The following MTHFD2L variants were observed in gnomAD, a reference collection of about 807,000 sequenced individuals.
MTHFD2L encodes the protein bifunctional methylenetetrahydrofolate dehydrogenase/cyclohydrolase 2, mitochondrial.
Under a neutral mutation model 34.9 loss-of-function variants are expected in MTHFD2L, and 29 were observed. The ratio of observed to expected loss-of-function variants is 0.83; its 90% CI spans 0.62 to 1.13. The LOEUF is 1.13. MTHFD2L is among the 50% of genes most tolerant of loss of function. MTHFD2L has a pLI of 0.00. For synonymous variants in MTHFD2L, 167 were observed against 155.7 expected (o/e 1.07, Z -0.54); for missense variants, 481 against 446.5 (o/e 1.08, Z -0.70).
At chr4:74,210,747 G>T (rs1736171745) in intron 5 of MTHFD2L, among the ~76,000 whole-genome samples, 1 of 152,124 alleles carries the variant, frequency 6.6e-6, no homozygotes, top group Non-Finnish European at 1.5e-5. Flanking sequence ...GCTTGATGGG[G>T]ATAGCATTGA....
intron 1 of MTHFD2L, among the ~76,000 whole-genome samples, chr4:74,132,651 T>C (rs928795833): frequency 3.3e-5 from 5 of 152,040 alleles, no homozygotes; most frequent in Non-Finnish European, 7.4e-5. Flanking sequence ...GACGGGTTGA[T>C]GGGTGCAGCA....
Position 74,262,310 on chromosome 4 carries a change from C to G in MTHFD2L, c.806-19115C>G, listed in dbSNP as rs570046552. On this transcript the variant is annotated intron_variant, in intron 6 of 7. Coordinates refer to ENST00000325278, the MANE Select transcript of MTHFD2L (RefSeq NM_001144978.3). ...ATTGGAGAACTTAATAGAACTTGGT[C>G]ATAAATTTAGAGCAGGTAGGATTTT... is the stretch of plus-strand genomic sequence containing the variant. Among the ~76,000 whole-genome samples, 5 of 151,738 alleles carry G rather than the reference C, an allele frequency of 3.3e-5. No homozygotes were observed. The South Asian group carries it at 1.0e-3, about 32-fold the overall frequency.
intron 1 of MTHFD2L, among the ~76,000 whole-genome samples, chr4:74,130,569 T>C (rs983556235): frequency 6.6e-6 from 1 of 152,112 alleles, no homozygotes; most frequent in Non-Finnish European, 1.5e-5. Context: ...ATACACTAGG[T>C]CTTGATGGAA....
At chr4:74,139,524 G>C (rs1723155019) in intron 1 of MTHFD2L, among the ~76,000 whole-genome samples, 1 of 152,130 alleles carries the variant, frequency 6.6e-6, no homozygotes, top group Admixed American at 6.5e-5. Context: ...CAAGATGGTG[G>C]AAAAGCTGGT....
upstream of MTHFD2L, among the ~76,000 whole-genome samples, chr4:74,124,064 T>C (rs1721905568): frequency 6.6e-6 from 1 of 152,102 alleles, no homozygotes; most frequent in South Asian, 2.1e-4. Flanking sequence ...GGGGGCACAG[T>C]TGGTTAATAT....
chr4:74,161,276 A>AT (rs765757763), intron 1 of MTHFD2L: 1 of 152,208 alleles, frequency 6.6e-6, no homozygotes, highest in Non-Finnish European at 1.5e-5. Flanking sequence ...AAAAAGACAC[A>AT]TTTTATCAGT....
At chr4:74,236,709 A>G (rs933969201) in intron 6 of MTHFD2L, among the ~76,000 whole-genome samples, 26 of 152,268 alleles carry the variant, frequency 1.7e-4, no homozygotes, top group African/African-American at 6.0e-4. Context: ...CGTAACGCAC[A>G]TATATTTTTC....
intron 3 of MTHFD2L, chr4:74,182,704 T>C (rs1205492989): frequency 6.6e-6 from 1 of 152,190 alleles, no homozygotes; most frequent in African/African-American, 2.4e-5. Context: ...CTCTTATATT[T>C]TGGGGCTTCT....
At chr4:74,267,696 A>T (rs1745486392) in intron 6 of MTHFD2L, 1 of 985,084 alleles carries the variant, frequency 1.0e-6, no homozygotes, top group African/African-American at 1.7e-5. Context: ...TGGCCTCTTA[A>T]AGTTCTGGGA....
intron 6 of MTHFD2L, among the ~76,000 whole-genome samples, chr4:74,225,818 C>A (rs1739062834): frequency 1.3e-5 from 2 of 152,012 alleles, no homozygotes; most frequent in Admixed American, 6.6e-5. Context: ...TAAACACAGC[C>A]AGGCTGAAGA....
rs191626327 is a variant in MTHFD2L at position 74,142,896 on chromosome 4, G to A, written c.-296-17159G>A. Among the ~76,000 whole-genome samples, 19 of 152,282 alleles carry A rather than the reference G, an allele frequency of 1.2e-4. No homozygotes were observed. In the East Asian group the frequency reaches 3.5e-3, roughly 28 times the overall value. On this transcript the variant is annotated intron_variant, in intron 1 of 7. Coordinates refer to the MTHFD2L transcript ENST00000433372. ...AGATTCTTGGTACACTCTGCCACTC[G>A]AGTAATCTTTCTGTTCCAACCAATG...
intron 6 of MTHFD2L, among the ~76,000 whole-genome samples, chr4:74,226,729 C>T (rs1346431293): frequency 6.6e-6 from 1 of 151,974 alleles, no homozygotes; most frequent in East Asian, 1.9e-4. Context: ...ATTATTTATT[C>T]AATAAATATT....
chr4:74,236,817 C>T (rs1740908048), intron 6 of MTHFD2L, among the ~76,000 whole-genome samples: 1 of 152,168 alleles, frequency 6.6e-6, no homozygotes, highest in Admixed American at 6.5e-5. Flanking sequence ...TCAAGAGACT[C>T]CAATAAATGC....
intron 1 of MTHFD2L, among the ~76,000 whole-genome samples, chr4:74,131,175 G>T (rs1247877183): frequency 6.6e-6 from 1 of 152,174 alleles, no homozygotes; most frequent in Non-Finnish European, 1.5e-5. Context: ...GTAATTTATA[G>T]ATTCAATGCT....
chr4:74,299,429 A>T (rs1750025375), intron 7 of MTHFD2L, among the ~76,000 whole-genome samples: 1 of 151,946 alleles, frequency 6.6e-6, no homozygotes, highest in Non-Finnish European at 1.5e-5. Flanking sequence ...TAGCAGTAGC[A>T]GTAGCATAAA....
At chr4:74,252,396 A>C (rs1056446997) in intron 6 of MTHFD2L, among the ~76,000 whole-genome samples, 1 of 152,210 alleles carries the variant, frequency 6.6e-6, no homozygotes, top group Non-Finnish European at 1.5e-5. Context: ...GACAAGGACA[A>C]ACAACAGACT....
chr4:74,161,682 GT>G (rs1045183658), intron 1 of MTHFD2L: 4 of 152,180 alleles, frequency 2.6e-5, no homozygotes, highest in African/African-American at 9.7e-5. Flanking sequence ...TTTAGATCTT[GT>G]TAGTTAATCA....
intron 3 of MTHFD2L, among the ~76,000 whole-genome samples, chr4:74,193,478 A>G (rs1732930008): frequency 6.6e-6 from 1 of 152,210 alleles, no homozygotes; most frequent in Non-Finnish European, 1.5e-5. Flanking sequence ...AAAAAACGAC[A>G]TAGGATTATG....
At chr4:74,293,035 G>A (rs1749156092) in intron 7 of MTHFD2L, among the ~76,000 whole-genome samples, 1 of 151,310 alleles carries the variant, frequency 6.6e-6, no homozygotes, top group South Asian at 2.1e-4. Context: ...GTTTTTTATG[G>A]TTTTTTGAAT....
Sources: gnomAD v4.1 joint callset for allele counts (sites outside exome capture counted in the v4.1 genomes callset) on GRCh38, gnomAD v4.1.1 for gene constraint, MANE v1.5 for transcripts, NCBI Gene and HGNC (gene_info 2026-07-23, HGNC 2026-07-21) for gene names.